Variants in PCDH9 observed in about 807,000 individuals in gnomAD.
PCDH9 encodes the protein protocadherin-9.
A neutral mutation model predicts 70.6 loss-of-function variants in PCDH9; 24 were observed. That is an observed-to-expected ratio of 0.34 (90% CI 0.25 to 0.48). PCDH9 has a LOEUF of 0.48. Ranked by LOEUF, PCDH9 falls within the 20% of genes least tolerant of loss-of-function variation. The pLI is 0.99. For synonymous variants in PCDH9, 562 were observed against 558.5 expected (o/e 1.01, Z -0.09); for missense variants, 1,281 against 1,503.6 (o/e 0.85, Z 2.45).
chr13:67,054,568 A>T (rs2085382003), intron 2 of PCDH9, among the ~76,000 whole-genome samples: 1 of 152,164 alleles, frequency 6.6e-6, no homozygotes, highest in African/African-American at 2.4e-5. Flanking sequence ...TCTTTTTCTA[A>T]TGCACATATA....
intron 3 of PCDH9, among the ~76,000 whole-genome samples, chr13:66,744,117 C>T: frequency 6.6e-6 from 1 of 152,136 alleles, no homozygotes; most frequent in East Asian, 1.9e-4. Flanking sequence ...ATTAGAGAGC[C>T]CCACGCATCT....
At chr13:66,638,181 T>C (rs1312481427) in intron 3 of PCDH9, among the ~76,000 whole-genome samples, 1 of 152,206 alleles carries the variant, frequency 6.6e-6, no homozygotes, top group Non-Finnish European at 1.5e-5. Context: ...CACAACTTCC[T>C]AAATAAGATC....
intron 4 of PCDH9, among the ~76,000 whole-genome samples, chr13:66,577,712 T>C (rs1360792997): frequency 1.3e-5 from 2 of 152,064 alleles, no homozygotes; most frequent in South Asian, 2.1e-4. Context: ...TTCTTAAGTT[T>C]TTCAGTTCCA....
chr13:66,737,292 G>C (rs1449459025), intron 3 of PCDH9, among the ~76,000 whole-genome samples: 1 of 152,124 alleles, frequency 6.6e-6, no homozygotes, highest in African/African-American at 2.4e-5. Flanking sequence ...ATTTAAGGTT[G>C]ATAAATTTAG....
chr13:66,980,730 G>T (rs9592495), intron 2 of PCDH9, among the ~76,000 whole-genome samples: 2,206 of 70,218 alleles, frequency 0.031, 2 homozygotes, highest in Middle Eastern at 0.05. Context: ...TTTTTTCTTT[G>T]TTTTTTTTTT....
chr13:67,014,051 A>G (rs2084508078), intron 2 of PCDH9, among the ~76,000 whole-genome samples: 1 of 152,100 alleles, frequency 6.6e-6, no homozygotes, highest in Middle Eastern at 3.2e-3. Flanking sequence ...ACAGAGATCA[A>G]AACATATATT....
At chr13:66,316,383 G>T (rs1955651943) in intron 4 of PCDH9, among the ~76,000 whole-genome samples, 1 of 152,110 alleles carries the variant, frequency 6.6e-6, no homozygotes, top group African/African-American at 2.4e-5. Flanking sequence ...TCACTCCTCT[G>T]CTTCCAATCA....
intron 4 of PCDH9, among the ~76,000 whole-genome samples, chr13:66,612,495 G>C (rs2077304854): frequency 6.6e-6 from 1 of 152,266 alleles, no homozygotes; most frequent in African/African-American, 2.4e-5. Context: ...TTGTAAAGTT[G>C]CCAGATAAAA....
intron 2 of PCDH9, among the ~76,000 whole-genome samples, chr13:66,934,465 C>A (rs143270918): frequency 6.8e-6 from 1 of 147,506 alleles, no homozygotes; most frequent in African/African-American, 2.5e-5. Flanking sequence ...CACTTGAACC[C>A]GGGAGCCGGA....
chr13:66,903,530 G>A lies in PCDH9; in HGVS notation c.3112C>T (p.Gln1038Ter). 1 of 1,554,544 alleles carries A rather than the reference G, an allele frequency of 6.4e-7. No homozygotes were observed. The highest frequency in any genetic ancestry group is 8.9e-7 in the Non-Finnish European group (1 of 1,127,300). The change falls in exon 3 of 5, where the codon CAG becomes TAG. Residue 1038 changes from glutamine (Q) to a stop codon, truncating the protein, a stop_gained. Transcript: ENST00000377865. LOFTEE classifies it high-confidence loss of function. ...TCGTAATGGCTTTCTTCATTCTCCT[G>A]AATGTGGAAACCCGTGGAGCTGGGA... Reference protein sequence around the residue: ...KCPSSTGFHIQENEESHYESQ... With the variant: ...KCPSSTGFHI
intron 3 of PCDH9, among the ~76,000 whole-genome samples, chr13:66,799,098 C>A (rs902673257): frequency 6.6e-6 from 1 of 152,124 alleles, no homozygotes; most frequent in Non-Finnish European, 1.5e-5. Flanking sequence ...GGATTACAGG[C>A]GTGAGCCACC....
intron 4 of PCDH9, among the ~76,000 whole-genome samples, chr13:66,502,149 G>C (rs1241170544): frequency 1.3e-5 from 2 of 152,008 alleles, no homozygotes; most frequent in African/African-American, 4.8e-5. Flanking sequence ...GGCTACATTG[G>C]GTGAATTAAA....
intron 3 of PCDH9, among the ~76,000 whole-genome samples, chr13:66,783,302 A>T (rs559608575): frequency 6.6e-6 from 1 of 152,054 alleles, no homozygotes; most frequent in Admixed American, 6.6e-5. Flanking sequence ...AGGAAATCTG[A>T]TAGTCCTTGC....
chr13:66,940,116 T>C (rs957639633), intron 2 of PCDH9, among the ~76,000 whole-genome samples: 10 of 152,216 alleles, frequency 6.6e-5, no homozygotes, highest in Admixed American at 5.2e-4. Context: ...ACTTATGCTT[T>C]AGTCTGTGTG....
intron 4 of PCDH9, among the ~76,000 whole-genome samples, chr13:66,607,817 A>G (rs188063483): frequency 2.7e-4 from 41 of 152,242 alleles, no homozygotes; most frequent in African/African-American, 9.9e-4. Flanking sequence ...GGAAGGAAAG[A>G]AATGAATCAT....
At chr13:67,051,955 T>C (rs1460385794) in intron 2 of PCDH9, among the ~76,000 whole-genome samples, 1 of 152,164 alleles carries the variant, frequency 6.6e-6, no homozygotes, top group Non-Finnish European at 1.5e-5. Flanking sequence ...GTGTTAGCTA[T>C]TATATGATAT....
intron 2 of PCDH9, among the ~76,000 whole-genome samples, chr13:67,103,668 G>T (rs2086478256): frequency 6.6e-6 from 1 of 151,720 alleles, no homozygotes; most frequent in African/African-American, 2.4e-5. Flanking sequence ...AAGGGAAATT[G>T]TTGTAACTTA....
At chr13:66,474,620 ATAGT>A (rs1012389906) in intron 4 of PCDH9, among the ~76,000 whole-genome samples, 1 of 152,126 alleles carries the variant, frequency 6.6e-6, no homozygotes, top group African/African-American at 2.4e-5. Flanking sequence ...TTTTATGTTG[ATAGT>A]TTGTTATAAT....
chr13:66,900,757 G>A (rs534215660), intron 3 of PCDH9, among the ~76,000 whole-genome samples: 104 of 151,656 alleles, frequency 6.9e-4, no homozygotes, highest in African/African-American at 2.5e-3. Context: ...CACCGAACAT[G>A]ACTCTGTTTA....
Sources: gnomAD v4.1 joint callset for allele counts (sites outside exome capture counted in the v4.1 genomes callset) on GRCh38, gnomAD v4.1.1 for gene constraint, MANE v1.5 for transcripts, NCBI Gene and HGNC (gene_info 2026-07-23, HGNC 2026-07-21) for gene names.